Variants in LRP8 observed in about 807,000 individuals in gnomAD.
LRP8 encodes the protein LDL receptor related protein 8.
A neutral mutation model predicts 111.6 loss-of-function variants in LRP8; 46 were observed. The ratio of observed to expected loss-of-function variants is 0.41; its 90% CI spans 0.33 to 0.53. The LOEUF (loss-of-function observed/expected upper bound fraction) is 0.53, where lower values mean the gene tolerates loss of function less well. Ranked by LOEUF, LRP8 falls within the 20% of genes least tolerant of loss-of-function variation. The probability of loss-of-function intolerance (pLI) is 0.20; values close to 1 mark genes in which losing one functional copy is unlikely to be tolerated. For synonymous variants in LRP8, 464 were observed against 511.2 expected (o/e 0.91, Z 1.24); for missense variants, 959 against 1,297.4 (o/e 0.74, Z 4.01).
Position 53,242,710 on chromosome 1 carries a change from C to T in LRP8, c.*4308G>A, listed in dbSNP as rs557764795. 1.3e-5 allele frequency: 2 copies of T among 152,104 alleles called. No homozygotes were observed. The highest frequency in any genetic ancestry group is 3.9e-4 in the East Asian group (2 of 5,184). 9.4% of individuals were successfully genotyped at this position (152,104 alleles called of 1,614,324 possible). ...ATTTGATGAAGTTTGCAAATCAGCA[C>T]TTTACCCCCAAATTAACAACAGCTT... On this transcript the variant is annotated 3_prime_UTR_variant, in exon 19 of 19. Transcript: ENST00000306052.
intron 4 of LRP8, among the ~76,000 whole-genome samples, chr1:53,277,490 T>C (rs1646965858): frequency 6.6e-6 from 1 of 152,200 alleles, no homozygotes; most frequent in Non-Finnish European, 1.5e-5. Flanking sequence ...TAACCTGCAC[T>C]GTTCCACCTG....
In LRP8 at chr1:53,247,014, A is replaced by C. The variant is rs1218798116; in HGVS notation, c.*4T>G. Reference sequence around the variant, plus strand: ...CATGAGGCACGAAGGGGGTGATCCCATCCTCAGGGTAGTCCATCATCTTCA... The same window carrying C: ...CATGAGGCACGAAGGGGGTGATCCCCTCCTCAGGGTAGTCCATCATCTTCA... On this transcript the variant is annotated 3_prime_UTR_variant, in exon 19 of 19. Coordinates refer to ENST00000306052, the MANE Select transcript of LRP8 (RefSeq NM_004631.5). 1 of 1,606,326 alleles carries C rather than the reference A, an allele frequency of 6.2e-7. No individual in the cohort carries two copies. The highest frequency in any genetic ancestry group is 8.5e-7 in the Non-Finnish European group (1 of 1,176,862).
chr1:53,273,963 G>A (rs1646837390), intron 6 of LRP8, among the ~76,000 whole-genome samples: 2 of 100,970 alleles, frequency 2.0e-5, no homozygotes, highest in African/African-American at 6.5e-5. Flanking sequence ...CCTGGGAACA[G>A]TAAAAACAAA....
Position 53,294,684 on chromosome 1 carries a change from GCCT to G in LRP8, c.245-4998_245-4996del, listed in dbSNP as rs1331426990. ...CCCATCCGTCAAACCTTCTGAGCTT[GCCT>G]CCTCCTCATCAGGAAATGGAGGTGT... is the stretch of plus-strand genomic sequence containing the variant. On this transcript the variant is annotated intron_variant, in intron 2 of 18. Transcript: ENST00000306052. The surrounding 1 kb of genome is among the most constrained non-coding windows in gnomAD (Gnocchi z 4.1). 6.6e-6 allele frequency among the ~76,000 whole-genome samples: 1 copy of G among 152,166 alleles called. No individual in the cohort carries two copies. The highest frequency in any genetic ancestry group is 2.4e-5 in the African/African-American group (1 of 41,434).
intron 3 of LRP8, among the ~76,000 whole-genome samples, chr1:53,281,507 G>A (rs1647108929): frequency 6.6e-6 from 1 of 152,234 alleles, no homozygotes; most frequent in Non-Finnish European, 1.5e-5. Context: ...TCCAGGGTGT[G>A]CAGGAGGCCC....
rs1557793368 is a variant in LRP8 at position 53,279,803 on chromosome 1, C to T, written c.496+784G>A. Among the ~76,000 whole-genome samples, 1 of 152,194 alleles carries T rather than the reference C, an allele frequency of 6.6e-6. No individual in the cohort carries two copies. The highest frequency in any genetic ancestry group is 2.4e-5 in the African/African-American group (1 of 41,452). On this transcript the variant is annotated intron_variant, in intron 4 of 18. Transcript: ENST00000306052. This position sits in a 1 kb window ranked among gnomAD's most constrained non-coding sequence, Gnocchi z 4.4. ...CAGCCAGTCTGTCTCCCCCACTAAT[C>T]ATGTGTTCCCAGAGGGAAGACTGTG... is the stretch of plus-strand genomic sequence containing the variant.
intron 6 of LRP8, among the ~76,000 whole-genome samples, chr1:53,271,941 T>C (rs1053695510): frequency 6.6e-5 from 10 of 151,832 alleles, no homozygotes; most frequent in Non-Finnish European, 8.8e-5. Flanking sequence ...AAAGCACTGA[T>C]ATCTGGTCTC....
Position 53,326,931 on chromosome 1 carries a change from A to G in LRP8, c.186T>C (p.Ser62=). ...FQCRNERCIP[S]VWRCDEDDDC... ...CATCGTCCTCGTCGCATCTCCACAC[A>G]GAGGGGATGCAGCGCTCGTTCCGGC... The change falls in exon 2 of 19, where the codon TCT becomes TCC. Residue 62 remains serine (S), a synonymous_variant. Coordinates refer to ENST00000306052, the MANE Select transcript of LRP8 (RefSeq NM_004631.5). 1 of 1,613,866 alleles carries G rather than the reference A, an allele frequency of 6.2e-7. No homozygotes were observed. Among genetic ancestry groups the G allele is most frequent in the South Asian group, 1.1e-5 (1 of 91,080 alleles).
rs1364119120 is a variant in LRP8 at position 53,276,941 on chromosome 1, G to C, written c.634C>G (p.Arg212Gly). ...ADPACGPREF[R>G]CGGDGGGACI... Reference sequence around the variant, plus strand: ...GCGCCGCCGCCATCGCCGCCGCAGCGGAACTCGCGGGGCCCGCAGGCCGGG... The same window carrying C: ...GCGCCGCCGCCATCGCCGCCGCAGCCGAACTCGCGGGGCCCGCAGGCCGGG... Residue 212 changes from arginine to glycine, a missense_variant, in exon 5 of 19, where the codon CGC (arginine) becomes GGC (glycine). Physicochemically the swap from Arg to Gly is moderately radical, Grantham distance 125 (BLOSUM62 -2). Coordinates refer to ENST00000306052, the MANE Select transcript of LRP8 (RefSeq NM_004631.5). The C allele has an allele frequency of 6.8e-7, 1 of 1,462,594 alleles. No homozygotes were observed. The highest frequency in any genetic ancestry group is 9.0e-7 in the Non-Finnish European group (1 of 1,110,550). 90.6% of individuals were successfully genotyped at this position (1,462,594 alleles called of 1,614,324 possible).
intron 2 of LRP8, among the ~76,000 whole-genome samples, chr1:53,295,401 C>T (rs967485169): frequency 6.6e-6 from 1 of 152,146 alleles, no homozygotes; most frequent in African/African-American, 2.4e-5. Flanking sequence ...GAGTTGTTCA[C>T]CAAGTTGTGC....
chr1:53,295,399 C>T (rs1649511931), intron 2 of LRP8, among the ~76,000 whole-genome samples: 1 of 152,164 alleles, frequency 6.6e-6, no homozygotes, highest in Admixed American at 6.5e-5. Context: ...TGGAGTTGTT[C>T]ACCAAGTTGT....
chr1:53,302,727 C>T (rs1241282612), intron 2 of LRP8, among the ~76,000 whole-genome samples: 2 of 150,988 alleles, frequency 1.3e-5, no homozygotes, highest in Admixed American at 6.6e-5. Flanking sequence ...CAGGGTTTCC[C>T]TGTTGGCCAG....
chr1:53,286,158 G>C (rs898251314), intron 3 of LRP8, among the ~76,000 whole-genome samples: 1 of 152,210 alleles, frequency 6.6e-6, no homozygotes, highest in Non-Finnish European at 1.5e-5. Flanking sequence ...CCAGCTCTAA[G>C]GGACCAGAGG....
rs539768401 is a variant in LRP8 at position 53,273,808 on chromosome 1, C to T, written c.1006+1823G>A. On this transcript the variant is annotated intron_variant, in intron 6 of 18. Transcript: ENST00000306052. ...AAAAGGGGAAGGAAATATGCTCTTC[C>T]TGGGAAGCTCAGGAGGATGAACCTC... Among the ~76,000 whole-genome samples, 43 of 152,238 alleles carry T rather than the reference C, an allele frequency of 2.8e-4. 1 individual carries two copies. In the South Asian group the frequency reaches 8.9e-3, roughly 32 times the overall value.
At position 53,246,057 on chromosome 1, in the gene LRP8, T is replaced by G. The variant is rs1645718575; in HGVS notation, c.*961A>C. On this transcript the variant is annotated 3_prime_UTR_variant, in exon 19 of 19. Coordinates refer to ENST00000306052, the MANE Select transcript of LRP8 (RefSeq NM_004631.5). ...GTAGCTGAGGGTGAGGCATATCCTATCTTGAGTTTCTGAGCACTCTGGTAC... is the reference window on the plus strand; with the variant it reads ...GTAGCTGAGGGTGAGGCATATCCTAGCTTGAGTTTCTGAGCACTCTGGTAC... The G allele has an allele frequency of 6.6e-6, 1 of 152,192 alleles. No homozygotes were observed. The highest frequency in any genetic ancestry group is 6.5e-5 in the Admixed American group (1 of 15,278). The allele number at this position is 152,192 out of a possible 1,614,324, so 9.4% of individuals were successfully genotyped here.
intron 2 of LRP8, among the ~76,000 whole-genome samples, chr1:53,310,023 C>T (rs989030276): frequency 5.9e-5 from 9 of 152,148 alleles, no homozygotes; most frequent in Non-Finnish European, 1.2e-4. Context: ...CTGGACTGAC[C>T]TTTCCTGTCA....
chr1:53,323,749 C>A (rs575722859), intron 2 of LRP8, among the ~76,000 whole-genome samples: 7 of 152,250 alleles, frequency 4.6e-5, no homozygotes, highest in Non-Finnish European at 1.0e-4. Context: ...TGAGTTCCAG[C>A]TCCAACCCTG....
At chr1:53,300,290 C>A (rs1470892583) in intron 2 of LRP8, among the ~76,000 whole-genome samples, 1 of 152,192 alleles carries the variant, frequency 6.6e-6, no homozygotes, top group Non-Finnish European at 1.5e-5. Flanking sequence ...CCTCCATGGG[C>A]AAAACTCTCC....
At chr1:53,274,263 C>T (rs895518447) in intron 6 of LRP8, among the ~76,000 whole-genome samples, 2 of 152,238 alleles carry the variant, frequency 1.3e-5, no homozygotes, top group African/African-American at 2.4e-5. Flanking sequence ...AGCAGTGGCC[C>T]TGGGATGTGC....
Sources: allele counts gnomAD v4.1 joint callset (sites outside exome capture counted in the v4.1 genomes callset), GRCh38; gene constraint gnomAD v4.1.1; non-coding constraint Gnocchi (gnomAD v3.1); transcripts MANE v1.5; gene names NCBI Gene and HGNC (gene_info 2026-07-23, HGNC 2026-07-21).